Variants in SLC9A9 observed in about 807,000 individuals in gnomAD.
SLC9A9 encodes solute carrier family 9 member A9, also known as sodium/hydrogen exchanger 9.
Under a neutral mutation model 77.8 loss-of-function variants are expected in SLC9A9, and 62 were observed. That is an observed-to-expected ratio of 0.80 (90% CI 0.65 to 0.98). The LOEUF (loss-of-function observed/expected upper bound fraction) is 0.98, where lower values mean the gene tolerates loss of function less well. Among genes scored for constraint, SLC9A9 ranks in the 50% least tolerant of loss-of-function variants. The pLI, the probability that SLC9A9 is intolerant of heterozygous loss-of-function variation, is 0.00. For missense variants in SLC9A9, 775 were observed against 774.9 expected (o/e 1.00, Z 0.00); for synonymous variants, 320 against 283.5 (o/e 1.13, Z -1.29).
intron 9 of SLC9A9, among the ~76,000 whole-genome samples, chr3:143,507,235 T>A (rs909566966): frequency 1.3e-5 from 2 of 151,630 alleles, no homozygotes; most frequent in Non-Finnish European, 2.9e-5. Flanking sequence ...TGAGATGGAG[T>A]CTCACTCTGT....
chr3:143,360,697 A>G (rs1238027671), intron 14 of SLC9A9, among the ~76,000 whole-genome samples: 1 of 152,236 alleles, frequency 6.6e-6, no homozygotes, highest in African/African-American at 2.4e-5. Flanking sequence ...AAACTATGTG[A>G]GTGACTGGTT....
intron 12 of SLC9A9, among the ~76,000 whole-genome samples, chr3:143,426,647 T>TCAGG (rs2034413589): frequency 6.6e-6 from 1 of 152,204 alleles, no homozygotes; most frequent in South Asian, 2.1e-4. Flanking sequence ...ACATTTTTGC[T>TCAGG]CAGGGTCAAG....
chr3:143,353,442 G>A lies in SLC9A9; in HGVS notation c.1604+10042C>T, dbSNP rs78050594. Among the ~76,000 whole-genome samples the A allele has an allele frequency of 5.7e-3, 871 of 152,304 alleles. 10 individuals are homozygous for A. Among genetic ancestry groups the A allele is most frequent in the African/African-American group, 0.019 (796 of 41,550 alleles). The stretch of plus-strand genomic sequence containing the variant: ...GCTTGTTTACTTTCTTCCACCACAT[G>A]AGGATAGAGCAAGAAAGTGAATTCT... On this transcript the variant is annotated intron_variant, in intron 14 of 15. Transcript: ENST00000316549.
intron 6 of SLC9A9, among the ~76,000 whole-genome samples, chr3:143,601,076 A>G (rs901494461): frequency 1.9e-4 from 29 of 152,188 alleles, no homozygotes; most frequent in Non-Finnish European, 5.9e-5. Flanking sequence ...AGTCTCAATA[A>G]TGACAGTGGG....
intron 1 of SLC9A9, among the ~76,000 whole-genome samples, chr3:143,836,248 TA>T (rs1182942823): frequency 6.6e-6 from 1 of 152,256 alleles, no homozygotes; most frequent in Non-Finnish European, 1.5e-5. Context: ...ACCAGTTTTA[TA>T]AAGACATATT....
At chr3:143,703,980 C>T (rs1401368656) in intron 4 of SLC9A9, among the ~76,000 whole-genome samples, 1 of 152,160 alleles carries the variant, frequency 6.6e-6, no homozygotes, top group Non-Finnish European at 1.5e-5. Context: ...AGATAAATTT[C>T]TACAGTCATA....
intron 6 of SLC9A9, among the ~76,000 whole-genome samples, chr3:143,635,106 C>G (rs1006880365): frequency 6.6e-6 from 1 of 152,130 alleles, no homozygotes; most frequent in African/African-American, 2.4e-5. Context: ...CATTTCTGCT[C>G]CACGTGGTAT....
Position 143,504,191 on chromosome 3 carries a change from A to T in SLC9A9, c.1090-8743T>A, listed in dbSNP as rs529252249. ...GGGGTTGTTGATGGCAGCAATATCC[A>T]CTTTGCTAGATTTAAAAGCAGCACT... On this transcript the variant is annotated intron_variant, in intron 9 of 15. Transcript: ENST00000316549. The T allele has an allele frequency of 3.7e-5, 12 of 323,360 alleles. No individual in the cohort carries two copies. The South Asian group carries it at 3.7e-4, about 10-fold the overall frequency. The allele number at this position is 323,360 out of a possible 1,614,324, so 20.0% of individuals were successfully genotyped here.
intron 9 of SLC9A9, among the ~76,000 whole-genome samples, chr3:143,511,362 C>T (rs1027412078): frequency 2.0e-5 from 3 of 152,222 alleles, no homozygotes; most frequent in African/African-American, 7.2e-5. Flanking sequence ...ATTACTTCTT[C>T]AGCTCCCAGC....
At chr3:143,737,557 T>C (rs1013235451) in intron 4 of SLC9A9, among the ~76,000 whole-genome samples, 1 of 151,996 alleles carries the variant, frequency 6.6e-6, no homozygotes, top group African/African-American at 2.4e-5. Flanking sequence ...TACGTGTTCA[T>C]CTTGAGTCTC....
chr3:143,278,586 C>T (rs920563362), intron 14 of SLC9A9, among the ~76,000 whole-genome samples: 2 of 152,164 alleles, frequency 1.3e-5, no homozygotes, highest in Non-Finnish European at 2.9e-5. Flanking sequence ...GTAGACGCAT[C>T]GCTCCAATCT....
At chr3:143,613,959 A>G (rs2038064030) in intron 6 of SLC9A9, among the ~76,000 whole-genome samples, 1 of 152,180 alleles carries the variant, frequency 6.6e-6, no homozygotes, top group African/African-American at 2.4e-5. Context: ...AATTTTGGGA[A>G]AATTAGCACT....
intron 6 of SLC9A9, among the ~76,000 whole-genome samples, chr3:143,610,097 T>C (rs147454298): frequency 6.6e-6 from 1 of 152,176 alleles, no homozygotes; most frequent in African/African-American, 2.4e-5. Context: ...TCATATCTGA[T>C]AGAGTTCACT....
At chr3:143,606,383 A>C (rs2037921988) in intron 6 of SLC9A9, among the ~76,000 whole-genome samples, 1 of 145,162 alleles carries the variant, frequency 6.9e-6, no homozygotes. Context: ...TTCACTTCAG[A>C]CTGGGCGAAA....
intron 7 of SLC9A9, among the ~76,000 whole-genome samples, chr3:143,577,027 T>C (rs2037371272): frequency 6.6e-6 from 1 of 152,152 alleles, no homozygotes; most frequent in African/African-American, 2.4e-5. Flanking sequence ...TTCCTGATGC[T>C]TCCCCCGCAG....
In SLC9A9 at chr3:143,769,076, G is replaced by A. The variant is rs80047826; in HGVS notation, c.533+25925C>T. On this transcript the variant is annotated intron_variant, in intron 4 of 15. Transcript: ENST00000316549. ...CTTGTATGGGGAGAAGAAACAACAT[G>A]ATAGCATTATCAGGATTAAAGGAGA... 6.1e-3 allele frequency among the ~76,000 whole-genome samples: 929 copies of A among 152,238 alleles called. 13 individuals carry two copies. Among genetic ancestry groups the A allele is most frequent in the African/African-American group, 0.022 (894 of 41,538 alleles).
intron 9 of SLC9A9, among the ~76,000 whole-genome samples, chr3:143,497,720 G>C (rs1448749790): frequency 6.6e-6 from 1 of 152,106 alleles, no homozygotes; most frequent in Non-Finnish European, 1.5e-5. Flanking sequence ...ATCACTTTTT[G>C]ATTTGAAGTA....
chr3:143,388,608 T>C (rs2033482582), intron 12 of SLC9A9, among the ~76,000 whole-genome samples: 1 of 152,224 alleles, frequency 6.6e-6, no homozygotes, highest in Non-Finnish European at 1.5e-5. Flanking sequence ...GAAATATTAG[T>C]TGATGCTCTC....
At chr3:143,483,455 A>C (rs575281787) in intron 11 of SLC9A9, among the ~76,000 whole-genome samples, 2 of 152,342 alleles carry the variant, frequency 1.3e-5, no homozygotes, top group Non-Finnish European at 2.9e-5. Context: ...AGTCAGAAGT[A>C]GCTAAATCTT....
Sources: allele counts gnomAD v4.1 joint callset (sites outside exome capture counted in the v4.1 genomes callset), GRCh38; gene constraint gnomAD v4.1.1; transcripts MANE v1.5; gene names NCBI Gene and HGNC (gene_info 2026-07-23, HGNC 2026-07-21).